ROBO2: variants seen among roughly 807,000 people sequenced by gnomAD.
The protein encoded by ROBO2 is roundabout homolog 2.
A neutral mutation model predicts 160.8 loss-of-function variants in ROBO2; 53 were observed. The ratio of observed to expected loss-of-function variants is 0.33; its 90% CI spans 0.26 to 0.41. The LOEUF (loss-of-function observed/expected upper bound fraction) is 0.41. Among genes scored for constraint, ROBO2 ranks in the 10% least tolerant of loss-of-function variants. The pLI, the probability that ROBO2 is intolerant of heterozygous loss-of-function variation, is 1.00. For synonymous variants in ROBO2, 664 were observed against 611.7 expected, an observed-to-expected ratio of 1.09 and a Z score of -1.26; for missense variants, 1,577 against 1,722.4, an observed-to-expected ratio of 0.92 and a Z score of 1.49.
At chr3:76,567,288 G>A (rs576814659) in intron 2 of ROBO2, among the ~76,000 whole-genome samples, 5 of 152,068 alleles carry the variant, frequency 3.3e-5, no homozygotes, top group African/African-American at 4.8e-5. Flanking sequence ...GTTTACTTAC[G>A]AGCATTCTAT....
chr3:76,645,269 T>A (rs2090906893), intron 2 of ROBO2, among the ~76,000 whole-genome samples: 1 of 152,184 alleles, frequency 6.6e-6, no homozygotes, highest in Admixed American at 6.5e-5. Context: ...AGCTTGTACT[T>A]CCCATAGTGC....
intron 3 of ROBO2, 143 bp from the exon 4 acceptor site, chr3:77,480,956 C>T (rs2153588528): frequency 1.5e-6 from 1 of 684,570 alleles, no homozygotes; most frequent in Non-Finnish European, 2.5e-6. Flanking sequence ...GAAAACATAC[C>T]TGCAAATGCC....
chr3:77,433,696 C>A (rs2079020203), intron 2 of ROBO2, among the ~76,000 whole-genome samples: 1 of 151,634 alleles, frequency 6.6e-6, no homozygotes, highest in African/African-American at 2.4e-5. Context: ...AATTTCTGAG[C>A]TTCAGATCAG....
intron 14 of ROBO2, among the ~76,000 whole-genome samples, 159 bp from the exon 16 acceptor site, chr3:77,577,331 C>T (rs770738739): frequency 6.6e-6 from 1 of 152,064 alleles, no homozygotes; most frequent in Admixed American, 6.6e-5. Flanking sequence ...ATTTAAAGAA[C>T]ATTTCTCAAA....
At chr3:76,500,091 G>A (rs2080376809) in intron 2 of ROBO2, among the ~76,000 whole-genome samples, 2 of 152,004 alleles carry the variant, frequency 1.3e-5, no homozygotes, top group African/African-American at 4.8e-5. Flanking sequence ...TTGGGGTGGT[G>A]GGGGGACAGT....
chr3:77,496,403 A>G (rs1261436393), intron 5 of ROBO2, among the ~76,000 whole-genome samples: 1 of 152,176 alleles, frequency 6.6e-6, no homozygotes, highest in Non-Finnish European at 1.5e-5. Context: ...ATGTATTAGC[A>G]TAAGCCTCAC....
intron 2 of ROBO2, among the ~76,000 whole-genome samples, chr3:76,448,309 A>G (rs1007603041): frequency 3.3e-5 from 5 of 152,102 alleles, no homozygotes; most frequent in African/African-American, 1.2e-4. Context: ...TGTACTTCAA[A>G]TGTAGAAATC....
chr3:77,586,255 A>G (rs766740819), intron 16 of ROBO2, among the ~76,000 whole-genome samples: 4 of 152,172 alleles, frequency 2.6e-5, no homozygotes, highest in Non-Finnish European at 5.9e-5. Flanking sequence ...AGCGTGTCAT[A>G]TAACCAATTT....
intron 20 of ROBO2, among the ~76,000 whole-genome samples, chr3:77,605,187 A>G (rs2094502902): frequency 6.7e-6 from 1 of 149,310 alleles, no homozygotes; most frequent in Admixed American, 6.7e-5. Context: ...AAGTATATAT[A>G]TAGTATATAT....
chr3:77,473,082 C>T (rs2083517631), intron 2 of ROBO2, among the ~76,000 whole-genome samples: 1 of 151,950 alleles, frequency 6.6e-6, no homozygotes, highest in African/African-American at 2.4e-5. Flanking sequence ...CAGGGTGCGA[C>T]GAGATGCGGT....
At chr3:76,914,135 T>G (rs2076168905) in intron 2 of ROBO2, among the ~76,000 whole-genome samples, 1 of 152,204 alleles carries the variant, frequency 6.6e-6, no homozygotes. Flanking sequence ...CCAAAGCATC[T>G]TGTACTGGGA....
intron 2 of ROBO2, among the ~76,000 whole-genome samples, chr3:76,226,401 G>A (rs1349048323): frequency 6.6e-6 from 1 of 152,108 alleles, no homozygotes; most frequent in African/African-American, 2.4e-5. Flanking sequence ...TGTACAAGCT[G>A]GTGTGTGCCC....
intron 2 of ROBO2, among the ~76,000 whole-genome samples, chr3:75,987,288 A>T (rs2065439827): frequency 6.6e-6 from 1 of 151,962 alleles, no homozygotes; most frequent in Admixed American, 6.6e-5. Context: ...TAAGTATTTC[A>T]TTCTTTTTGA....
chr3:76,125,239 A>G (rs73114896), intron 2 of ROBO2, among the ~76,000 whole-genome samples: 2,917 of 152,086 alleles, frequency 0.019, 64 homozygotes, highest in African/African-American at 0.049. Context: ...TCTTTATCCA[A>G]TCTACCATTG....
intron 2 of ROBO2, among the ~76,000 whole-genome samples, chr3:76,182,554 T>C (rs149436002): frequency 0.048 from 7,266 of 152,130 alleles, 206 homozygotes; most frequent in South Asian, 0.061. Context: ...GTCCCTCCAG[T>C]AAGCCTTCTA....
intron 2 of ROBO2, among the ~76,000 whole-genome samples, chr3:76,271,044 A>G (rs1559703468): frequency 6.6e-6 from 1 of 152,224 alleles, no homozygotes; most frequent in East Asian, 1.9e-4. Flanking sequence ...TTTTAATACT[A>G]GCATCTTGAA....
intron 2 of ROBO2, among the ~76,000 whole-genome samples, chr3:77,342,079 C>G (rs1326843153): frequency 6.6e-6 from 1 of 152,058 alleles, no homozygotes; most frequent in Non-Finnish European, 1.5e-5. Context: ...TGTATAATGA[C>G]AGGCACAAAG....
intron 2 of ROBO2, among the ~76,000 whole-genome samples, chr3:76,003,285 C>T (rs925788679): frequency 6.6e-6 from 1 of 152,142 alleles, no homozygotes; most frequent in African/African-American, 2.4e-5. Context: ...CTCAATATCT[C>T]ATATTCCATG....
At chr3:77,211,478 G>A (rs1387213151) in intron 2 of ROBO2, among the ~76,000 whole-genome samples, 1 of 152,110 alleles carries the variant, frequency 6.6e-6, no homozygotes, top group Non-Finnish European at 1.5e-5. Context: ...GTAGATTCTG[G>A]ATATTAGCCC....
Sources: gnomAD v4.1 joint callset for allele counts (sites outside exome capture counted in the v4.1 genomes callset) on GRCh38, gnomAD v4.1.1 for gene constraint, MANE v1.5 for transcripts, NCBI Gene and HGNC (gene_info 2026-07-23, HGNC 2026-07-21) for gene names.